The following TMEM165 variants were observed in gnomAD, a reference collection of about 807,000 sequenced individuals.
The protein encoded by TMEM165 is putative divalent cation/proton antiporter TMEM165.
TMEM165 carries 19 observed loss-of-function variants against 30.0 expected under a neutral mutation model. That is an observed-to-expected ratio of 0.63 (90% CI 0.44 to 0.93). The LOEUF is 0.93. Among genes scored for constraint, TMEM165 ranks in the 40% least tolerant of loss-of-function variants. The probability of loss-of-function intolerance (pLI) is 0.00; values close to 1 mark genes in which losing one functional copy is unlikely to be tolerated. For synonymous variants in TMEM165, 168 were observed against 162.9 expected, an observed-to-expected ratio of 1.03 and a Z score of -0.24; for missense variants, 340 against 417.0, an observed-to-expected ratio of 0.82 and a Z score of 1.61.
At chr4:55,449,475 G>A (rs774978617) in intron 3 of TMEM165, 38 of 1,613,964 alleles carry the variant, frequency 2.4e-5, no homozygotes, top group African/African-American at 4.0e-5. Flanking sequence ...GCTCGTATCC[G>A]TCGGGATCTT....
intron 3 of TMEM165, chr4:55,443,774 G>A: frequency 6.2e-7 from 1 of 1,614,090 alleles, no homozygotes; most frequent in Non-Finnish European, 8.5e-7. Flanking sequence ...TTTGAATCTG[G>A]TTAGTAGGAA....
intron 3 of TMEM165, chr4:55,442,449 A>C (rs1577678684): frequency 6.2e-7 from 1 of 1,609,170 alleles, no homozygotes; most frequent in East Asian, 2.2e-5. Context: ...GCCTGTCCTG[A>C]GTGAATGTAG....
chr4:55,433,188 T>C (rs1455128482), intron 3 of TMEM165: 1 of 152,660 alleles, frequency 6.6e-6, no homozygotes, highest in African/African-American at 2.4e-5. Context: ...CCCTTGTCTG[T>C]GTACATATGC....
At chr4:55,418,033 A>AT in intron 4 of TMEM165, 48 bp downstream of exon 4, 1 of 1,527,324 alleles carries the variant, frequency 6.5e-7, no homozygotes, top group Non-Finnish European at 8.8e-7. Context: ...CGTAATTATT[A>AT]TTACTTTGTT....
In TMEM165 at chr4:55,396,313, C is replaced by T. The variant is rs1036333511; in HGVS notation, c.124C>T (p.Arg42Trp). The change falls in exon 1 of 6, where the codon CGG becomes TGG. Residue 42 changes from arginine to tryptophan, a missense_variant. Around this residue, in one of 2 missense-constraint regions of TMEM165, gnomAD observed 120 missense variants for 109.4 expected, o/e 1.10. Coordinates refer to ENST00000381334, the MANE Select transcript of TMEM165 (RefSeq NM_018475.5). ...RAGPDEDLSH[R>W]NKEPPAPAQQ... ...CGGCCCAGATGAAGACCTTAGCCAC[C>T]GGAACAAAGAACCGCCGGCGCCGGC... is the stretch of plus-strand genomic sequence containing the variant. 3.9e-6 allele frequency: 6 copies of T among 1,526,786 alleles called. No homozygotes were observed. Among genetic ancestry groups the T allele is most frequent in the South Asian group, 1.2e-5 (1 of 82,252 alleles). 94.6% of individuals were successfully genotyped at this position (1,526,786 alleles called of 1,614,324 possible).
intron 1 of TMEM165, among the ~76,000 whole-genome samples, chr4:55,403,700 A>G (rs948285282): frequency 1.3e-5 from 2 of 152,230 alleles, no homozygotes; most frequent in Non-Finnish European, 2.9e-5. Flanking sequence ...TTACCATGAT[A>G]TATAACACTG....
intron 1 of TMEM165, among the ~76,000 whole-genome samples, chr4:55,410,082 G>GCCTCCCACCAGCCTTC (rs1721425419): frequency 1.3e-5 from 2 of 151,864 alleles, no homozygotes; most frequent in Admixed American, 1.3e-4. Flanking sequence ...CCTCCTCCTT[G>GCCTCCCACCAGCCTTC]CCTCCCACCA....
chr4:55,417,703 A>G, intron 3 of TMEM165, 100 bp from the exon 4 acceptor site: 1 of 997,416 alleles, frequency 1.0e-6, no homozygotes, highest in East Asian at 2.6e-5. Flanking sequence ...TTTTTGGAGC[A>G]TATTTCATAG....
At chr4:55,450,154 T>C (rs1262123361) in intron 3 of TMEM165, 2 of 1,613,304 alleles carry the variant, frequency 1.2e-6, no homozygotes, top group East Asian at 2.2e-5. Flanking sequence ...GCAGAAGGGG[T>C]TGGGCTGTGA....
In TMEM165 at chr4:55,405,562, A is replaced by G. The variant is rs77703112; in HGVS notation, c.208-6052A>G. ...CCGACATACCTTTTAAGAGTACTAAATACATAATAGCGTTTTAAGAGTACT... is the reference window on the plus strand; with the variant it reads ...CCGACATACCTTTTAAGAGTACTAAGTACATAATAGCGTTTTAAGAGTACT... On this transcript the variant is annotated intron_variant, in intron 1 of 5. Transcript: ENST00000381334. 1.6e-3 allele frequency among the ~76,000 whole-genome samples: 238 copies of G among 152,300 alleles called. 1 individual carries two copies. Among genetic ancestry groups the G allele is most frequent in the Non-Finnish European group, 2.7e-3 (181 of 68,036 alleles).
chr4:55,409,128 C>T (rs1467657696), intron 1 of TMEM165, among the ~76,000 whole-genome samples: 2 of 152,044 alleles, frequency 1.3e-5, no homozygotes, highest in Non-Finnish European at 2.9e-5. Context: ...ATGATACTTG[C>T]TTAATTAATT....
intron 3 of TMEM165, chr4:55,444,603 G>A: frequency 3.1e-6 from 5 of 1,613,540 alleles, no homozygotes; most frequent in Non-Finnish European, 3.4e-6. Flanking sequence ...TGAATGGGAT[G>A]CTTTGTTTGT....
intron 1 of TMEM165, among the ~76,000 whole-genome samples, chr4:55,399,948 CATTT>C (rs1484856871): frequency 7.4e-5 from 11 of 148,654 alleles, no homozygotes; most frequent in Non-Finnish European, 1.6e-4. Context: ...TTTAGTTAGG[CATTT>C]ATTTATTATT....
intron 3 of TMEM165, chr4:55,442,328 T>C: frequency 1.1e-6 from 1 of 938,544 alleles, no homozygotes; most frequent in Non-Finnish European, 1.7e-6. Flanking sequence ...GCAGTGAGCA[T>C]CTCATTAAAA....
intron 1 of TMEM165, among the ~76,000 whole-genome samples, chr4:55,398,195 A>AATCG (rs1201908631): frequency 6.6e-6 from 1 of 152,242 alleles, no homozygotes; most frequent in Non-Finnish European, 1.5e-5. Flanking sequence ...CAGATGTAGT[A>AATCG]ATCGCTATTG....
At chr4:55,433,679 C>T (rs1370168842) in intron 3 of TMEM165, 1 of 152,118 alleles carries the variant, frequency 6.6e-6, no homozygotes, top group Non-Finnish European at 1.5e-5. Flanking sequence ...GTATTTTCTA[C>T]TAATCCTCTT....
intron 1 of TMEM165, among the ~76,000 whole-genome samples, chr4:55,402,529 C>A (rs1721064441): frequency 7.7e-6 from 1 of 129,962 alleles, no homozygotes; most frequent in Non-Finnish European, 1.5e-5. Context: ...TTCACTTCAA[C>A]CTCTGTCTCC....
chr4:55,418,210 C>CTTT (rs776317421), intron 4 of TMEM165: 5 of 417,268 alleles, frequency 1.2e-5, no homozygotes, highest in Non-Finnish European at 1.7e-5. Flanking sequence ...TTTACTCATC[C>CTTT]TTTTCCCTTT....
chr4:55,426,434 A>G (rs1218894673), downstream of TMEM165, among the ~76,000 whole-genome samples: 1 of 152,192 alleles, frequency 6.6e-6, no homozygotes, highest in African/African-American at 2.4e-5. Flanking sequence ...CCAGAGCCTA[A>G]TGTCATTCAT....
Sources: allele counts gnomAD v4.1 joint callset (sites outside exome capture counted in the v4.1 genomes callset), GRCh38; gene constraint gnomAD v4.1.1; regional missense constraint gnomAD v4.1.1; transcripts MANE v1.5; gene names NCBI Gene and HGNC (gene_info 2026-07-23, HGNC 2026-07-21).